The following FUNDC2 variants were observed in gnomAD, a reference collection of about 807,000 sequenced individuals.
FUNDC2 encodes the protein FUN14 domain containing 2.
Under a neutral mutation model 15.6 loss-of-function variants are expected in FUNDC2, and 4 were observed. The observed-to-expected ratio is 0.26, with a 90% CI of 0.13 to 0.59. FUNDC2 has a LOEUF of 0.59. FUNDC2 is among the 20% of genes least tolerant of loss of function. The pLI, the probability that FUNDC2 is intolerant of heterozygous loss-of-function variation, is 0.90. For missense variants in FUNDC2, 98 were observed against 149.7 expected (o/e 0.65, Z 1.80); for synonymous variants, 44 against 56.9 (o/e 0.77, Z 1.02).
rs376321070 is a variant in FUNDC2 at position 155,041,240 on chromosome X, C to G, written c.285-5269C>G. 1.1e-4 allele frequency among the ~76,000 whole-genome samples: 12 copies of G among 111,942 alleles called. No individual in the cohort carries two copies. In the East Asian group the frequency reaches 2.2e-3, roughly 21 times the overall value. On this transcript the variant is annotated intron_variant, in intron 2 of 4. Transcript: ENST00000369498. ...CGTAGTCTGCCTTCAAGAAATCTAA[C>G]GCTTCATATATGATATAACAGTATG...
chrX:155,035,595 CTA>C (rs2073828433), intron 2 of FUNDC2, among the ~76,000 whole-genome samples: 1 of 111,983 alleles, frequency 8.9e-6, no homozygotes. Flanking sequence ...CTTTCTATTA[CTA>C]TAGATTATGT....
intron 2 of FUNDC2, among the ~76,000 whole-genome samples, chrX:155,038,726 A>G (rs1303833412): frequency 8.9e-6 from 1 of 112,513 alleles, no homozygotes; most frequent in Non-Finnish European, 1.9e-5. Context: ...TATGTAATAT[A>G]CCACATTTTC....
At chrX:155,053,795 G>C (rs1237073456) in intron 4 of FUNDC2, 15 of 747,592 alleles carry the variant, frequency 2.0e-5, no homozygotes, top group Non-Finnish European at 2.4e-5. Flanking sequence ...GATGTTGGAT[G>C]TCTTGTTCAT....
chrX:155,039,628 T>C (rs896090567), intron 2 of FUNDC2, among the ~76,000 whole-genome samples: 6 of 112,374 alleles, frequency 5.3e-5, no homozygotes, highest in African/African-American at 1.9e-4. Flanking sequence ...TCTTGGCATC[T>C]TTGTCAAAAA....
At position 155,033,474 on chromosome X, in the gene FUNDC2, C is replaced by G; in HGVS notation, c.205C>G (p.Leu69Val). 3 of 1,211,125 alleles carry G rather than the reference C, an allele frequency of 2.5e-6. No homozygotes were observed. The highest frequency in any genetic ancestry group is 3.4e-6 in the Non-Finnish European group (3 of 894,645). ...FAKKQPWWRK[L>V]FGQESGPSAE... ...TAAGAAGCAGCCATGGTGGCGTAAG[C>G]TGTTCGGGCAGGAATCTGGACCTTC... is the stretch of plus-strand genomic sequence containing the variant. Residue 69 changes from leucine to valine, a missense_variant, in exon 2 of 5, where the codon CTG (leucine) becomes GTG (valine). Transcript: ENST00000369498.
rs1448129861 is a variant in FUNDC2 at position 155,059,493 on chromosome X, A to G, written c.*4821A>G. 1 of 106,763 alleles carries G rather than the reference A, an allele frequency of 9.4e-6. No homozygotes were observed. Among genetic ancestry groups the G allele is most frequent in the Non-Finnish European group, 1.9e-5 (1 of 51,631 alleles). 8.8% of individuals were successfully genotyped at this position (106,763 alleles called of 1,213,427 possible). A position where few individuals can be genotyped will look rare whatever the true frequency, so the allele number is the denominator to read the frequency against. ...GGGAGATCATAGTTTTCACCTTCCT[A>G]GAGTTCTTTGCTTAAGACTGAGATT... is the stretch of plus-strand genomic sequence containing the variant. On this transcript the variant is annotated 3_prime_UTR_variant, in exon 5 of 5. Coordinates refer to ENST00000369498, the MANE Select transcript of FUNDC2 (RefSeq NM_023934.4).
rs2073911642 is a variant in FUNDC2, at chrX:155,057,579, G to C, written c.*2907G>C. 2 of 111,666 alleles carry C rather than the reference G, an allele frequency of 1.8e-5. No homozygotes were observed. The highest frequency in any genetic ancestry group is 9.4e-5 in the Admixed American group (1 of 10,620). The allele number at this position is 111,666 out of a possible 1,213,427, so 9.2% of individuals were successfully genotyped here. A position where few individuals can be genotyped will look rare whatever the true frequency, so the allele number is the denominator to read the frequency against. On this transcript the variant is annotated 3_prime_UTR_variant, in exon 5 of 5. Coordinates refer to ENST00000369498, the MANE Select transcript of FUNDC2 (RefSeq NM_023934.4). ...ACACCGCACTCAAGGCTTCCAACTT[G>C]TCAACCAATAGGATGGCATCTACGT...
In FUNDC2 at chrX:155,055,429, G is replaced by A. The variant is rs981372840; in HGVS notation, c.*757G>A. ...CATTAGGGGTGGCCATAACTCCTCT[G>A]TGCCACTTCTACTATTTTTTTTTTT... On this transcript the variant is annotated 3_prime_UTR_variant, in exon 5 of 5. Transcript: ENST00000369498. 7 of 291,076 alleles carry A rather than the reference G, an allele frequency of 2.4e-5. No homozygotes were observed. Among genetic ancestry groups the A allele is most frequent in the Non-Finnish European group, 4.2e-5 (7 of 168,309 alleles). 24.0% of individuals were successfully genotyped at this position (291,076 alleles called of 1,213,427 possible). A position where few individuals can be genotyped will look rare whatever the true frequency, so the allele number is the denominator to read the frequency against.
intron 1 of FUNDC2, among the ~76,000 whole-genome samples, chrX:155,028,564 G>A (rs782525222): frequency 5.3e-5 from 6 of 112,451 alleles, no homozygotes; most frequent in South Asian, 3.7e-4. Flanking sequence ...CTAAATGGGC[G>A]TCTGTGATGT....
At chrX:155,038,506 T>G (rs1243494544) in intron 2 of FUNDC2, among the ~76,000 whole-genome samples, 1 of 111,770 alleles carries the variant, frequency 8.9e-6, no homozygotes, top group Non-Finnish European at 1.9e-5. Context: ...TTGACCAACA[T>G]TTCCCCAACC....
chrX:155,058,627 T>C lies in FUNDC2; in HGVS notation c.*3955T>C, dbSNP rs1557291346. The C allele has an allele frequency of 9.1e-6, 1 of 110,389 alleles. No individual in the cohort carries two copies. Among genetic ancestry groups the C allele is most frequent in the Admixed American group, 9.7e-5 (1 of 10,321 alleles). The allele number at this position is 110,389 out of a possible 1,213,427, so 9.1% of individuals were successfully genotyped here. The stretch of plus-strand genomic sequence containing the variant: ...AGCTTCATTTCTTTGTCATGAAATC[T>C]AGTATGATTTCTCAGAAATCAGGCC... On this transcript the variant is annotated 3_prime_UTR_variant, in exon 5 of 5. Transcript: ENST00000369498.
At chrX:155,037,950 G>C (rs1557289294) in intron 2 of FUNDC2, among the ~76,000 whole-genome samples, 1 of 110,279 alleles carries the variant, frequency 9.1e-6, no homozygotes. Context: ...TTGTAGGCTG[G>C]GTGCAGTGGC....
At chrX:155,044,776 C>T (rs1178889777) in intron 2 of FUNDC2, among the ~76,000 whole-genome samples, 3 of 112,098 alleles carry the variant, frequency 2.7e-5, no homozygotes, top group African/African-American at 9.7e-5. Context: ...TAGATTGTTA[C>T]AACCATTATG....
intron 2 of FUNDC2, among the ~76,000 whole-genome samples, chrX:155,041,301 T>C (rs1334042689): frequency 8.9e-6 from 1 of 112,246 alleles, no homozygotes; most frequent in Non-Finnish European, 1.9e-5. Context: ...TTTTCATTGC[T>C]ATAAATTTTA....
Position 155,057,795 on chromosome X carries a change from T to G in FUNDC2, c.*3123T>G, listed in dbSNP as rs2073912900. The G allele has an allele frequency of 9.0e-6, 1 of 110,872 alleles. No individual in the cohort carries two copies. Among genetic ancestry groups the G allele is most frequent in the Non-Finnish European group, 1.9e-5 (1 of 52,868 alleles). 9.1% of individuals were successfully genotyped at this position (110,872 alleles called of 1,213,427 possible). ...GACTTGGAGCATGCTACAGGAGAGG[T>G]AGAACTTTTGAGTCTCTTCTTCCCA... On this transcript the variant is annotated 3_prime_UTR_variant, in exon 5 of 5. Transcript: ENST00000369498.
chrX:155,027,157 G>C (rs2073795830), intron 1 of FUNDC2, 86 bp downstream of exon 1: 1 of 959,769 alleles, frequency 1.0e-6, no homozygotes, highest in Non-Finnish European at 1.3e-6. Context: ...CCCGCCAGTC[G>C]CGACCGAGCT....
rs1049989782 is a variant in FUNDC2, at chrX:155,057,797, G to C, written c.*3125G>C. The C allele has an allele frequency of 4.5e-5, 5 of 111,480 alleles. No individual in the cohort carries two copies. The highest frequency in any genetic ancestry group is 9.8e-5 in the African/African-American group (3 of 30,600). 9.2% of individuals were successfully genotyped at this position (111,480 alleles called of 1,213,427 possible). On this transcript the variant is annotated 3_prime_UTR_variant, in exon 5 of 5. Coordinates refer to ENST00000369498, the MANE Select transcript of FUNDC2 (RefSeq NM_023934.4). ...CTTGGAGCATGCTACAGGAGAGGTA[G>C]AACTTTTGAGTCTCTTCTTCCCAAG...
At chrX:155,048,440 A>G (rs1302751691) in intron 3 of FUNDC2, among the ~76,000 whole-genome samples, 1 of 112,392 alleles carries the variant, frequency 8.9e-6, no homozygotes, top group African/African-American at 3.2e-5. Flanking sequence ...TCTCTTTCAT[A>G]TATCAGAACC....
chrX:155,054,266 C>T (rs782223531), intron 4 of FUNDC2: 359 of 750,973 alleles, frequency 4.8e-4, no homozygotes, highest in Middle Eastern at 2.3e-3. Context: ...TTTACTCTTT[C>T]GCCATAACTG....
Sources: allele counts gnomAD v4.1 joint callset (sites outside exome capture counted in the v4.1 genomes callset), GRCh38; gene constraint gnomAD v4.1.1; transcripts MANE v1.5; gene names NCBI Gene and HGNC (gene_info 2026-07-23, HGNC 2026-07-21).